PARD3B: variants seen among roughly 807,000 people sequenced by gnomAD.
PARD3B encodes par-3 family cell polarity regulator beta.
In PARD3B, 103 loss-of-function variants were observed where a neutral mutation model predicts 130.2. The observed-to-expected ratio is 0.79, with a 90% CI of 0.67 to 0.93. The LOEUF is 0.93. PARD3B is among the 40% of genes least tolerant of loss of function. PARD3B has a pLI of 0.00. For synonymous variants in PARD3B, 583 were observed against 553.2 expected (o/e 1.05, Z -0.76); for missense variants, 1,609 against 1,499.2 (o/e 1.07, Z -1.21).
intron 2 of PARD3B, among the ~76,000 whole-genome samples, chr2:204,853,011 G>A (rs2044771606): frequency 6.6e-6 from 1 of 152,050 alleles, no homozygotes. Context: ...ATGTCTTAAA[G>A]TTCATTGGAT....
At chr2:205,452,171 T>G (rs1336147876) in intron 20 of PARD3B, among the ~76,000 whole-genome samples, 1 of 152,214 alleles carries the variant, frequency 6.6e-6, no homozygotes, top group African/African-American at 2.4e-5. Flanking sequence ...ATAGTTGATA[T>G]CTCTTTGTCA....
rs554940596 is a variant in PARD3B, at chr2:204,558,316, T to G, written c.120+12197T>G. 18 of 152,238 alleles carry G rather than the reference T, an allele frequency of 1.2e-4. No homozygotes were observed. In the South Asian group the frequency reaches 2.5e-3, roughly 21 times the overall value. 9.4% of individuals were successfully genotyped at this position (152,238 alleles called of 1,614,324 possible). ...AAAACCCCATTGTCTCAGCTCAAAATCTCCATAAGCTGATAAGCAACTTCA... is the reference window on the plus strand; with the variant it reads ...AAAACCCCATTGTCTCAGCTCAAAAGCTCCATAAGCTGATAAGCAACTTCA... On this transcript the variant is annotated intron_variant, in intron 1 of 22. Coordinates refer to ENST00000406610, the MANE Select transcript of PARD3B (RefSeq NM_001302769.2).
rs112701974 is a variant in PARD3B at position 205,201,130 on chromosome 2, T to G, written c.2140+7810T>G. 7.7e-3 allele frequency among the ~76,000 whole-genome samples: 1,174 copies of G among 152,308 alleles called. 15 individuals are homozygous for G. Among genetic ancestry groups the G allele is most frequent in the Middle Eastern group, 0.014 (4 of 294 alleles). ...TGGTGAGAGGCCTAGAAACCATGTT[T>G]AGTAAAAAACAGTTGAAAGAATAAA... On this transcript the variant is annotated intron_variant, in intron 15 of 22. Coordinates refer to ENST00000406610, the MANE Select transcript of PARD3B (RefSeq NM_001302769.2).
At chr2:204,817,362 A>T (rs1295442636) in intron 2 of PARD3B, among the ~76,000 whole-genome samples, 1 of 151,962 alleles carries the variant, frequency 6.6e-6, no homozygotes, top group East Asian at 1.9e-4. Context: ...TAGATTTATT[A>T]GAAACAGTTT....
At chr2:205,403,913 C>A (rs1290673872) in intron 19 of PARD3B, among the ~76,000 whole-genome samples, 1 of 149,578 alleles carries the variant, frequency 6.7e-6, no homozygotes, top group African/African-American at 2.4e-5. Flanking sequence ...CTGGTACAAT[C>A]TTTTGTAAAC....
intron 2 of PARD3B, among the ~76,000 whole-genome samples, chr2:204,901,974 G>A (rs747544311): frequency 2.0e-5 from 3 of 152,058 alleles, no homozygotes; most frequent in Non-Finnish European, 4.4e-5. Context: ...TATCCCAGTT[G>A]CAAGACAATG....
chr2:205,167,374 T>A (rs1247490990), intron 11 of PARD3B, among the ~76,000 whole-genome samples: 1 of 152,082 alleles, frequency 6.6e-6, no homozygotes, highest in Non-Finnish European at 1.5e-5. Context: ...AAATATTTTT[T>A]TTTTCAAAAA....
intron 18 of PARD3B, among the ~76,000 whole-genome samples, chr2:205,346,171 CAAAATAAA>C (rs1481636543): frequency 1.0e-5 from 1 of 95,360 alleles, no homozygotes; most frequent in Non-Finnish European, 2.3e-5. Context: ...GACTCCGTCT[CAAAATAAA>C]TAAATAAATA....
chr2:204,994,742 T>G (rs1693998786), intron 3 of PARD3B, among the ~76,000 whole-genome samples: 1 of 145,730 alleles, frequency 6.9e-6, no homozygotes, highest in Non-Finnish European at 1.5e-5. Flanking sequence ...ACTCAGGACT[T>G]GCTTTATGAA....
intron 19 of PARD3B, among the ~76,000 whole-genome samples, chr2:205,424,633 A>G (rs1209727352): frequency 6.6e-6 from 1 of 152,176 alleles, no homozygotes; most frequent in East Asian, 1.9e-4. Context: ...AGAAAGGTTT[A>G]AAGGGAAAGG....
Position 205,301,218 on chromosome 2 carries a change from GAAC to G in PARD3B, c.2393-244_2393-242del, listed in dbSNP as rs1329148157. 6.6e-6 allele frequency among the ~76,000 whole-genome samples: 1 copy of G among 152,184 alleles called. No homozygotes were observed. The highest frequency in any genetic ancestry group is 6.5e-5 in the Admixed American group (1 of 15,280). On this transcript the variant is annotated intron_variant, in intron 17 of 22. Coordinates refer to ENST00000406610, the MANE Select transcript of PARD3B (RefSeq NM_001302769.2). The surrounding 1 kb of genome is among the most constrained non-coding windows in gnomAD (Gnocchi z 5.2). ...GCAGCTTTCAGAGAGATTAGTGCTT[GAAC>G]ACATATCAAGCCTTTCATACTACCA...
intron 15 of PARD3B, among the ~76,000 whole-genome samples, chr2:205,215,222 A>T (rs916377426): frequency 1.3e-5 from 2 of 151,958 alleles, no homozygotes; most frequent in Non-Finnish European, 2.9e-5. Context: ...TTTACTATGG[A>T]TAATATATGT....
rs149715600 is a variant in PARD3B at position 204,718,971 on chromosome 2, G to A, written c.222+32689G>A. ...AATCAAATTTGTACAGTTCTGCCTC[G>A]TTTCAGGACACATTGGTGGGATTTA... On this transcript the variant is annotated intron_variant, in intron 2 of 22. Coordinates refer to ENST00000406610, the MANE Select transcript of PARD3B (RefSeq NM_001302769.2). Among the ~76,000 whole-genome samples, 224 of 152,216 alleles carry A rather than the reference G, an allele frequency of 1.5e-3. 1 individual carries two copies. The highest frequency in any genetic ancestry group is 3.4e-3 in the Middle Eastern group (1 of 294).
intron 2 of PARD3B, among the ~76,000 whole-genome samples, chr2:204,867,051 G>A (rs561531698): frequency 6.6e-6 from 1 of 151,954 alleles, no homozygotes; most frequent in South Asian, 2.1e-4. Flanking sequence ...CCTGGGCAAT[G>A]ATAGTGAATG....
chr2:205,037,374 G>A (rs1698053700), intron 3 of PARD3B, among the ~76,000 whole-genome samples: 1 of 143,140 alleles, frequency 7.0e-6, no homozygotes, highest in Non-Finnish European at 1.5e-5. Flanking sequence ...TATATATAGT[G>A]GACTATTTGT....
At chr2:204,730,006 C>CACACAT (rs141374474) in intron 2 of PARD3B, among the ~76,000 whole-genome samples, 3 of 144,260 alleles carry the variant, frequency 2.1e-5, no homozygotes, top group Non-Finnish European at 3.0e-5. Context: ...CAAACACACA[C>CACACAT]ACACACACAC....
chr2:205,283,165 T>C (rs936367802), intron 16 of PARD3B, among the ~76,000 whole-genome samples: 1 of 152,250 alleles, frequency 6.6e-6, no homozygotes, highest in Non-Finnish European at 1.5e-5. Flanking sequence ...CTTGAAGGAT[T>C]GGTTCTTTCA....
At chr2:205,120,236 A>T (rs1237682275) in intron 7 of PARD3B, among the ~76,000 whole-genome samples, 2 of 152,204 alleles carry the variant, frequency 1.3e-5, no homozygotes, top group African/African-American at 4.8e-5. Context: ...ATAATTATGC[A>T]AAGCAATCAT....
intron 22 of PARD3B, among the ~76,000 whole-genome samples, chr2:205,553,807 G>A (rs769909870): frequency 6.6e-6 from 1 of 152,114 alleles, no homozygotes; most frequent in Non-Finnish European, 1.5e-5. Context: ...TTAAGAAGCA[G>A]GAAAGAAATG....
Sources: gnomAD v4.1 joint callset for allele counts (sites outside exome capture counted in the v4.1 genomes callset) on GRCh38, gnomAD v4.1.1 for gene constraint, Gnocchi (gnomAD v3.1) non-coding constraint, MANE v1.5 for transcripts, NCBI Gene and HGNC (gene_info 2026-07-23, HGNC 2026-07-21) for gene names.